CPNE1: variants seen among roughly 807,000 people sequenced by gnomAD.
CPNE1 encodes the protein copine 1, also known as copine-1.
In CPNE1, 58 loss-of-function variants were observed where a neutral mutation model predicts 63.2. That is an observed-to-expected ratio of 0.92 (90% CI 0.74 to 1.14). The LOEUF (loss-of-function observed/expected upper bound fraction) is 1.14, where lower values mean the gene tolerates loss of function less well. Ranked by LOEUF, CPNE1 falls within the 50% of genes most tolerant of loss-of-function variation. The pLI is 0.00. For missense variants in CPNE1, 672 were observed against 661.7 expected (o/e 1.02, Z -0.17); for synonymous variants, 237 against 249.0 (o/e 0.95, Z 0.45).
At chr20:35,632,719 A>C (rs752059908) in intron 2 of CPNE1, 23 bp from the exon 3 acceptor site, 2 of 896,364 alleles carry the variant, frequency 2.2e-6, no homozygotes, top group South Asian at 2.6e-5. Context: ...GCCAGTAAGC[A>C]TCACAGTCAC....
chr20:35,654,588 CG>C, intron 1 of CPNE1: 1 of 1,614,168 alleles, frequency 6.2e-7, no homozygotes, highest in Non-Finnish European at 8.5e-7. Flanking sequence ...GATTCAAGGG[CG>C]GCATGCCCGA....
chr20:35,655,112 G>A (rs1306304573), intron 1 of CPNE1: 3 of 1,614,140 alleles, frequency 1.9e-6, no homozygotes, highest in South Asian at 1.1e-5. Context: ...CTCAACAATA[G>A]TGTTACTTTT....
At chr20:35,631,456 G>C (rs756146994) in intron 8 of CPNE1, 36 bp downstream of exon 8, 1 of 1,605,884 alleles carries the variant, frequency 6.2e-7, no homozygotes, top group African/African-American at 1.3e-5. Flanking sequence ...AGCTATCTAG[G>C]CCCATTTCCA....
chr20:35,652,655 A>G (rs1174043734), intron 1 of CPNE1: 3 of 1,614,074 alleles, frequency 1.9e-6, no homozygotes, highest in Non-Finnish European at 2.5e-6. Context: ...TTTTCATTGT[A>G]TTTTAAACAC....
chr20:35,633,828 G>A lies in CPNE1; in HGVS notation c.1-905C>T, dbSNP rs555601171. Among the ~76,000 whole-genome samples, 18 of 151,942 alleles carry A rather than the reference G, an allele frequency of 1.2e-4. No individual in the cohort carries two copies. In the East Asian group the frequency reaches 1.9e-3, roughly 16 times the overall value. On this transcript the variant is annotated intron_variant, in intron 1 of 15. Coordinates refer to ENST00000397443, the MANE Select transcript of CPNE1 (RefSeq NM_152925.3). The stretch of plus-strand genomic sequence containing the variant: ...ACAAAAATTAGCCAGGCATGTTGGC[G>A]TGTGCCTATAATCCTGGCTACTCAG...
intron 13 of CPNE1, 109 bp downstream of exon 13, chr20:35,630,330 C>A: frequency 2.5e-6 from 2 of 814,876 alleles, no homozygotes; most frequent in Non-Finnish European, 4.0e-6. Context: ...ATAAAATCCA[C>A]CCTCTGGACA....
chr20:35,657,023 G>A (rs1244660867), intron 1 of CPNE1, among the ~76,000 whole-genome samples: 1 of 152,102 alleles, frequency 6.6e-6, no homozygotes. Flanking sequence ...TATTACAACT[G>A]CCGTATACAA....
chr20:35,634,047 G>A (rs1223812096), intron 1 of CPNE1, among the ~76,000 whole-genome samples: 1 of 151,482 alleles, frequency 6.6e-6, no homozygotes, highest in African/African-American at 2.4e-5. Flanking sequence ...GGATCACGAG[G>A]TCAGGAGATC....
chr20:35,652,457 G>C (rs2033587628), intron 1 of CPNE1: 1 of 1,510,310 alleles, frequency 6.6e-7, no homozygotes, highest in Non-Finnish European at 8.9e-7. Context: ...GAAATACTAG[G>C]AAAACAATCT....
At chr20:35,636,314 G>A (rs1401937680) in intron 1 of CPNE1, among the ~76,000 whole-genome samples, 1 of 152,130 alleles carries the variant, frequency 6.6e-6, no homozygotes, top group Non-Finnish European at 1.5e-5. Context: ...CACCTCACAT[G>A]CTCTCCCAGG....
intron 1 of CPNE1, among the ~76,000 whole-genome samples, chr20:35,646,027 G>A (rs182607169): frequency 1.3e-5 from 2 of 151,718 alleles, no homozygotes; most frequent in East Asian, 3.9e-4. Context: ...AGCATCACTT[G>A]AGCCCCGGAG....
At chr20:35,653,647 T>C (rs1431186961) in intron 1 of CPNE1, 2 of 1,614,194 alleles carry the variant, frequency 1.2e-6, no homozygotes, top group South Asian at 2.2e-5. Flanking sequence ...CTGAAGAACA[T>C]CCATCTTTGT....
In CPNE1 at chr20:35,626,592, A is replaced by G. The variant is rs1286109705; in HGVS notation, c.1448T>C (p.Phe483Ser). 1.2e-6 allele frequency: 2 copies of G among 1,614,186 alleles called. No homozygotes were observed. Among genetic ancestry groups the G allele is most frequent in the East Asian group, 4.5e-5 (2 of 44,880 alleles). The change falls in exon 15 of 16, where the codon TTT (phenylalanine) becomes TCT (serine). Residue 483 changes from phenylalanine (F) to serine (S), a missense_variant. Physicochemically the swap from Phe to Ser is radical, Grantham distance 155 (BLOSUM62 -2). Coordinates refer to ENST00000397443, the MANE Select transcript of CPNE1 (RefSeq NM_152925.3). ...ATTCTGGAACCGGCGGTAGGGTACAAACTGCACAATGTCGCGGGCAGCAGC... is the reference window on the plus strand; with the variant it reads ...ATTCTGGAACCGGCGGTAGGGTACAGACTGCACAATGTCGCGGGCAGCAGC... ...GQAAARDIVQ[F>S]VPYRRFQNAP...
intron 1 of CPNE1, among the ~76,000 whole-genome samples, chr20:35,639,154 G>A (rs1455605806): frequency 2.0e-5 from 3 of 151,460 alleles, no homozygotes; most frequent in African/African-American, 7.3e-5. Flanking sequence ...AAGGCATGTT[G>A]AAATGTTTAC....
rs1255964896 is a variant in CPNE1, at chr20:35,626,765, C to T, written c.1275G>A (p.Val425=). ...FMLLLLTDGA[V]TDVEATREAV... The stretch of plus-strand genomic sequence containing the variant: ...CCTCACGTGTGGCTTCCACATCCGT[C>T]ACAGCACCATCAGTCAGCAGCAACA... Residue 425 remains valine (V), a synonymous_variant, in exon 15 of 16, where the codon GTG becomes GTA. Coordinates refer to ENST00000397443, the MANE Select transcript of CPNE1 (RefSeq NM_152925.3). The T allele has an allele frequency of 3.1e-6, 5 of 1,614,068 alleles. No individual in the cohort carries two copies. In the Admixed American group the frequency reaches 5.0e-5, roughly 16 times the overall value.
At chr20:35,635,558 G>A (rs2032439771) in intron 1 of CPNE1, among the ~76,000 whole-genome samples, 1 of 152,032 alleles carries the variant, frequency 6.6e-6, no homozygotes, top group African/African-American at 2.4e-5. Flanking sequence ...CAACACCTGG[G>A]TAATTCCGTC....
intron 1 of CPNE1, among the ~76,000 whole-genome samples, chr20:35,638,013 G>C (rs2032586055): frequency 6.6e-6 from 1 of 152,194 alleles, no homozygotes; most frequent in South Asian, 2.1e-4. Flanking sequence ...TCCTACAGTA[G>C]ATACTCATCA....
chr20:35,653,783 T>C, intron 1 of CPNE1: 2 of 1,614,052 alleles, frequency 1.2e-6, no homozygotes, highest in Non-Finnish European at 1.7e-6. Flanking sequence ...ATCATATCTA[T>C]CTTTTCTAGC....
intron 1 of CPNE1, among the ~76,000 whole-genome samples, chr20:35,641,756 G>A (rs1350036609): frequency 6.6e-6 from 1 of 152,084 alleles, no homozygotes; most frequent in African/African-American, 2.4e-5. Context: ...GTATTCTGTC[G>A]ATGTTTCTCC....
Sources: gnomAD v4.1 joint callset for allele counts (sites outside exome capture counted in the v4.1 genomes callset) on GRCh38, gnomAD v4.1.1 for gene constraint, MANE v1.5 for transcripts, NCBI Gene and HGNC (gene_info 2026-07-23, HGNC 2026-07-21) for gene names.